The following KIAA1217 variants were observed in gnomAD, a reference collection of about 807,000 sequenced individuals.
KIAA1217 encodes sickle tail protein homolog.
In KIAA1217, 88 loss-of-function variants were observed where a neutral mutation model predicts 163.9. The observed-to-expected ratio is 0.54, with a 90% CI of 0.45 to 0.64. The LOEUF is 0.64. KIAA1217 is among the 30% of genes least tolerant of loss of function. The pLI is 0.00. For missense variants in KIAA1217, 2,372 were observed against 2,475.0 expected (o/e 0.96, Z 0.88); for synonymous variants, 903 against 923.1 (o/e 0.98, Z 0.39).
intron 1 of KIAA1217, among the ~76,000 whole-genome samples, chr10:23,844,854 A>T (rs1014766200): frequency 3.3e-5 from 5 of 151,960 alleles, no homozygotes; most frequent in Non-Finnish European, 5.9e-5. Context: ...CCCATCATTT[A>T]CATTAGGTAT....
intron 3 of KIAA1217, among the ~76,000 whole-genome samples, chr10:24,402,934 C>T (rs1474937905): frequency 6.6e-6 from 1 of 152,108 alleles, no homozygotes; most frequent in African/African-American, 2.4e-5. Context: ...AGTTGGAGAC[C>T]AGCCTGGCCA....
chr10:23,704,899 T>C (rs1836783963), intron 1 of KIAA1217, among the ~76,000 whole-genome samples: 1 of 152,170 alleles, frequency 6.6e-6, no homozygotes, highest in Admixed American at 6.5e-5. Flanking sequence ...CCAGAGCAGC[T>C]GCATCATCTT....
intron 1 of KIAA1217, among the ~76,000 whole-genome samples, chr10:23,982,731 T>C (rs1845824825): frequency 6.6e-6 from 1 of 151,778 alleles, no homozygotes; most frequent in African/African-American, 2.4e-5. Flanking sequence ...ACCCAGCTAA[T>C]TTTTGTATTT....
intron 1 of KIAA1217, among the ~76,000 whole-genome samples, chr10:23,881,138 C>G (rs1487566325): frequency 6.6e-6 from 1 of 151,426 alleles, no homozygotes; most frequent in East Asian, 2.0e-4. Flanking sequence ...TAGTAGTTCA[C>G]TATGGTGTGA....
chr10:23,798,816 G>A (rs754577640), intron 1 of KIAA1217, among the ~76,000 whole-genome samples: 8 of 152,204 alleles, frequency 5.3e-5, no homozygotes, highest in Non-Finnish European at 1.0e-4. Flanking sequence ...CTCAAGCGTA[G>A]AGTCCATTGG....
intron 1 of KIAA1217, among the ~76,000 whole-genome samples, chr10:23,766,069 T>C (rs1834503455): frequency 6.6e-6 from 1 of 152,206 alleles, no homozygotes; most frequent in African/African-American, 2.4e-5. Flanking sequence ...GGTAGAGAGT[T>C]GCTGAATCTT....
intron 1 of KIAA1217, among the ~76,000 whole-genome samples, chr10:23,759,515 C>T (rs969535843): frequency 2.0e-5 from 3 of 152,166 alleles, no homozygotes; most frequent in African/African-American, 7.2e-5. Flanking sequence ...TGCAGCCTTT[C>T]ACCATTGAGT....
At chr10:24,299,336 C>G (rs1055170523) in intron 2 of KIAA1217, among the ~76,000 whole-genome samples, 5 of 152,172 alleles carry the variant, frequency 3.3e-5, no homozygotes, top group Admixed American at 6.6e-5. Context: ...CCATACAGAA[C>G]CTGTACATCA....
chr10:23,722,450 C>G (rs17564772), intron 1 of KIAA1217, among the ~76,000 whole-genome samples: 1,522 of 152,148 alleles, frequency 0.01, 11 homozygotes, highest in South Asian at 0.047. Flanking sequence ...TCCATTAAGT[C>G]TATCATCAGC....
At chr10:23,941,520 G>A (rs1036100062) in intron 1 of KIAA1217, among the ~76,000 whole-genome samples, 3 of 152,114 alleles carry the variant, frequency 2.0e-5, no homozygotes, top group African/African-American at 7.2e-5. Flanking sequence ...GGTAGCACTG[G>A]ATGATGAGAA....
chr10:24,495,458 G>C (rs182823918), intron 8 of KIAA1217, among the ~76,000 whole-genome samples: 2 of 152,044 alleles, frequency 1.3e-5, no homozygotes, highest in Non-Finnish European at 2.9e-5. Context: ...TTGCAGACAC[G>C]GGGCTGCCTG....
chr10:23,757,588 G>A (rs1833987867), intron 1 of KIAA1217, among the ~76,000 whole-genome samples: 1 of 152,142 alleles, frequency 6.6e-6, no homozygotes, highest in African/African-American at 2.4e-5. Flanking sequence ...CGTGATCTCA[G>A]TTCACTGCAA....
At position 23,952,141 on chromosome 10, in the gene KIAA1217, G is replaced by C. The variant is rs541212767; in HGVS notation, c.-320-55084G>C. ...TCTACCAAATTCTGCAATAACCAGA[G>C]ACTAACTCTAATGGAAGATTGGGGA... is the stretch of plus-strand genomic sequence containing the variant. On this transcript the variant is annotated intron_variant, in intron 1 of 18. Transcript: ENST00000376462. Among the ~76,000 whole-genome samples, 3 of 152,314 alleles carry C rather than the reference G, an allele frequency of 2.0e-5. No individual in the cohort carries two copies. The East Asian group carries it at 5.8e-4, about 29-fold the overall frequency.
chr10:24,255,150 C>T (rs1035205119), intron 2 of KIAA1217: 9 of 166,872 alleles, frequency 5.4e-5, no homozygotes, highest in African/African-American at 2.2e-4. Context: ...CCATGACACC[C>T]GGCCTGTAAT....
intron 1 of KIAA1217, among the ~76,000 whole-genome samples, chr10:23,916,056 TTCTA>T (rs1222830111): frequency 1.3e-5 from 2 of 152,212 alleles, no homozygotes; most frequent in African/African-American, 2.4e-5. Context: ...GTTATCAATA[TTCTA>T]TCTGTCACTT....
intron 1 of KIAA1217, among the ~76,000 whole-genome samples, chr10:23,847,254 T>C (rs977554542): frequency 6.6e-6 from 1 of 152,196 alleles, no homozygotes; most frequent in African/African-American, 2.4e-5. Context: ...CCTCATAAAA[T>C]GAGTTAGGGA....
chr10:24,301,102 C>T (rs78954336), intron 2 of KIAA1217, among the ~76,000 whole-genome samples: 4,521 of 152,170 alleles, frequency 0.03, 215 homozygotes, highest in African/African-American at 0.1. Context: ...TGTGAGCCCC[C>T]GCAACTGGCC....
Position 24,546,520 on chromosome 10 carries a change from A to T in KIAA1217, c.*196A>T. 1.6e-6 allele frequency: 1 copy of T among 614,370 alleles called. No homozygotes were observed. The highest frequency in any genetic ancestry group is 2.8e-6 in the Non-Finnish European group (1 of 360,864). 38.1% of individuals were successfully genotyped at this position (614,370 alleles called of 1,614,324 possible). A position where few individuals can be genotyped will look rare whatever the true frequency, so the allele number is the denominator to read the frequency against. On this transcript the variant is annotated 3_prime_UTR_variant, in exon 21 of 21. Coordinates refer to ENST00000376454, the MANE Select transcript of KIAA1217 (RefSeq NM_019590.5). ...TTGGTTTTCTTTTTACCTAGTTGCTATAGTGTCTACAGTCTATACTCAATA... is the reference window on the plus strand; with the variant it reads ...TTGGTTTTCTTTTTACCTAGTTGCTTTAGTGTCTACAGTCTATACTCAATA...
At chr10:24,457,872 G>A (rs1278182594) in intron 5 of KIAA1217, among the ~76,000 whole-genome samples, 1 of 152,212 alleles carries the variant, frequency 6.6e-6, no homozygotes, top group African/African-American at 2.4e-5. Context: ...TATGGAGCAT[G>A]ACTTATTGAC....
Sources: gnomAD v4.1 joint callset for allele counts (sites outside exome capture counted in the v4.1 genomes callset) on GRCh38, gnomAD v4.1.1 for gene constraint, MANE v1.5 for transcripts, NCBI Gene and HGNC (gene_info 2026-07-23, HGNC 2026-07-21) for gene names.